Variants in KYNU observed in about 807,000 individuals in gnomAD.
The protein encoded by KYNU is L-kynurenine hydrolase.
In KYNU, 54 loss-of-function variants were observed where a neutral mutation model predicts 59.2. The ratio of observed to expected loss-of-function variants is 0.91; its 90% CI spans 0.73 to 1.14. The LOEUF (loss-of-function observed/expected upper bound fraction) is 1.14, where lower values mean the gene tolerates loss of function less well. Among genes scored for constraint, KYNU ranks in the 50% most tolerant of loss-of-function variants. KYNU has a pLI of 0.00. For missense variants in KYNU, 567 were observed against 554.4 expected, an observed-to-expected ratio of 1.02 and a Z score of -0.23; for synonymous variants, 177 against 192.0, an observed-to-expected ratio of 0.92 and a Z score of 0.65.
chr2:142,910,762 A>C (rs1462707119), intron 2 of KYNU, among the ~76,000 whole-genome samples: 4 of 152,206 alleles, frequency 2.6e-5, no homozygotes, highest in African/African-American at 9.7e-5. Context: ...GGTGAAAGGT[A>C]GGGGTCCAGT....
At chr2:142,996,221 CT>C (rs1404312784) in intron 10 of KYNU, among the ~76,000 whole-genome samples, 1 of 151,806 alleles carries the variant, frequency 6.6e-6, no homozygotes, top group African/African-American at 2.4e-5. Flanking sequence ...GATTGACTGG[CT>C]AAAAAAGATT....
At chr2:142,887,341 A>G (rs985864722) in intron 2 of KYNU, among the ~76,000 whole-genome samples, 9 of 152,156 alleles carry the variant, frequency 5.9e-5, no homozygotes, top group African/African-American at 2.2e-4. Context: ...GCCCTTGTGC[A>G]CTCTTAGTGG....
chr2:142,998,436 A>G (rs541086373), intron 10 of KYNU, among the ~76,000 whole-genome samples: 4 of 152,310 alleles, frequency 2.6e-5, no homozygotes, highest in African/African-American at 9.6e-5. Context: ...AATGAATTTA[A>G]CTTCCTCCTA....
chr2:142,907,018 G>T (rs896090044), intron 2 of KYNU, among the ~76,000 whole-genome samples: 5 of 152,170 alleles, frequency 3.3e-5, no homozygotes, highest in Non-Finnish European at 7.3e-5. Context: ...CCAGCCGACA[G>T]GTGCCCGGTA....
At chr2:142,884,782 C>T (rs1207314604) in intron 1 of KYNU, among the ~76,000 whole-genome samples, 12 of 141,044 alleles carry the variant, frequency 8.5e-5, no homozygotes, top group Non-Finnish European at 1.5e-5. Flanking sequence ...TCCCAGCTCA[C>T]TGCAACCTCC....
intron 8 of KYNU, among the ~76,000 whole-genome samples, chr2:142,961,252 T>C (rs1329402847): frequency 2.7e-5 from 4 of 150,744 alleles, no homozygotes; most frequent in East Asian, 3.9e-4. Context: ...TCTTTTTTGC[T>C]TCAGGCATCT....
chr2:142,888,700 T>A (rs1263363711), intron 2 of KYNU, among the ~76,000 whole-genome samples: 1 of 151,694 alleles, frequency 6.6e-6, no homozygotes, highest in Non-Finnish European at 1.5e-5. Context: ...TAGAGTTGGG[T>A]CAATTAATTC....
intron 2 of KYNU, among the ~76,000 whole-genome samples, chr2:142,910,274 C>A (rs1365328223): frequency 6.6e-6 from 1 of 151,496 alleles, no homozygotes; most frequent in African/African-American, 2.4e-5. Context: ...GTATCTGGGA[C>A]TACAGGCCTC....
At chr2:142,960,839 A>G (rs566686533) in intron 8 of KYNU, 69 bp downstream of exon 8, 2 of 1,448,674 alleles carry the variant, frequency 1.4e-6, no homozygotes, top group Non-Finnish European at 1.9e-6. Flanking sequence ...TTCTAATTGC[A>G]TGACTTGTGA....
chr2:142,981,412 T>G (rs574308672), intron 8 of KYNU, among the ~76,000 whole-genome samples: 6 of 152,060 alleles, frequency 3.9e-5, no homozygotes, highest in Non-Finnish European at 8.8e-5. Context: ...ATAATTAACT[T>G]TTTTCCCCAT....
At position 142,894,631 on chromosome 2, in the gene KYNU, G is replaced by A. The variant is rs190391859; in HGVS notation, c.169+9095G>A. ...ACCAGTTTTTCTGTAGCCAGTATGCGAGTATCAACTTGTGGCATGTGAATG... is the reference window on the plus strand; with the variant it reads ...ACCAGTTTTTCTGTAGCCAGTATGCAAGTATCAACTTGTGGCATGTGAATG... On this transcript the variant is annotated intron_variant, in intron 2 of 13. Coordinates refer to ENST00000264170, the MANE Select transcript of KYNU (RefSeq NM_003937.3). 3.7e-4 allele frequency among the ~76,000 whole-genome samples: 57 copies of A among 152,212 alleles called. No individual in the cohort carries two copies. The East Asian group carries it at 7.1e-3, about 19-fold the overall frequency.
At position 143,029,621 on chromosome 2, in the gene KYNU, T is replaced by G. The variant is rs778268723; in HGVS notation, c.903-6T>G. The G allele has an allele frequency of 1.9e-6, 3 of 1,589,416 alleles. No homozygotes were observed. The highest frequency in any genetic ancestry group is 2.6e-6 in the Non-Finnish European group (3 of 1,157,650). ...CAAAAACCTAATGTTTTTATTTATA[T>G]TTTAGATTAGTGGGATGGTTTGGCC... On this transcript the variant is annotated splice_polypyrimidine_tract_variant and splice_region_variant and intron_variant, in intron 10 of 13. Coordinates refer to ENST00000264170, the MANE Select transcript of KYNU (RefSeq NM_003937.3).
chr2:142,968,366 G>A (rs1684611507), intron 8 of KYNU, among the ~76,000 whole-genome samples: 1 of 152,092 alleles, frequency 6.6e-6, no homozygotes, highest in Non-Finnish European at 1.5e-5. Flanking sequence ...GTATTTCAGT[G>A]TAATTTGTGT....
intron 10 of KYNU, among the ~76,000 whole-genome samples, chr2:143,014,049 A>G (rs933606675): frequency 6.6e-6 from 1 of 152,244 alleles, no homozygotes; most frequent in African/African-American, 2.4e-5. Flanking sequence ...TCTTTAGAGG[A>G]TATAGTATGA....
chr2:143,006,174 A>G (rs1025268375), intron 10 of KYNU, among the ~76,000 whole-genome samples: 1 of 152,070 alleles, frequency 6.6e-6, no homozygotes, highest in Non-Finnish European at 1.5e-5. Flanking sequence ...AGTGCCAGAC[A>G]GTGGGCGCAG....
At chr2:143,029,020 G>A (rs1325747138) in intron 10 of KYNU, among the ~76,000 whole-genome samples, 1 of 151,896 alleles carries the variant, frequency 6.6e-6, no homozygotes, top group Non-Finnish European at 1.5e-5. Flanking sequence ...TGAGCTTTTA[G>A]CTTAATTTTA....
intron 3 of KYNU, among the ~76,000 whole-genome samples, chr2:142,919,279 A>C (rs1447295137): frequency 1.3e-5 from 2 of 152,212 alleles, no homozygotes; most frequent in Non-Finnish European, 2.9e-5. Context: ...ACAATATTTA[A>C]ACGTTTAAGT....
chr2:143,025,845 T>C (rs1686537764), intron 10 of KYNU, among the ~76,000 whole-genome samples: 3 of 152,344 alleles, frequency 2.0e-5, no homozygotes, highest in South Asian at 4.1e-4. Context: ...TTCAAAGGTA[T>C]GCCTGGGTTG....
chr2:143,011,035 T>A (rs1686079452), intron 10 of KYNU, among the ~76,000 whole-genome samples: 2 of 145,082 alleles, frequency 1.4e-5, no homozygotes, highest in African/African-American at 5.2e-5. Context: ...CCAAAAGCAA[T>A]GGCAACCAAA....
Sources: gnomAD v4.1 joint callset for allele counts (sites outside exome capture counted in the v4.1 genomes callset) on GRCh38, gnomAD v4.1.1 for gene constraint, MANE v1.5 for transcripts, NCBI Gene and HGNC (gene_info 2026-07-23, HGNC 2026-07-21) for gene names.